The following PADI6 variants were observed in gnomAD, a reference collection of about 807,000 sequenced individuals.
PADI6 encodes the protein peptidyl arginine deiminase 6, also known as inactive protein-arginine deiminase type-6.
Under a neutral mutation model 78.2 loss-of-function variants are expected in PADI6, and 66 were observed. That is an observed-to-expected ratio of 0.84 (90% CI 0.69 to 1.04). The LOEUF is 1.04. Among genes scored for constraint, PADI6 ranks in the 50% least tolerant of loss-of-function variants. PADI6 has a pLI of 0.00. For missense variants in PADI6, 854 were observed against 866.1 expected, an observed-to-expected ratio of 0.99 and a Z score of 0.18; for synonymous variants, 397 against 346.9, an observed-to-expected ratio of 1.14 and a Z score of -1.60.
intron 13 of PADI6, among the ~76,000 whole-genome samples, chr1:17,396,552 T>C (rs2075249141): frequency 6.6e-6 from 1 of 152,122 alleles, no homozygotes; most frequent in Non-Finnish European, 1.5e-5. Context: ...GCCTTTGGGG[T>C]TGGGGCCCGG....
At chr1:17,392,339 A>AGGG in intron 9 of PADI6, 114 bp downstream of exon 9, 1 of 762,482 alleles carries the variant, frequency 1.3e-6, no homozygotes, top group East Asian at 2.7e-5. Flanking sequence ...AAGCCTTGAT[A>AGGG]GGGGCGGCCC....
At chr1:17,387,971 A>T (rs1005965233) in intron 6 of PADI6, among the ~76,000 whole-genome samples, 4 of 152,064 alleles carry the variant, frequency 2.6e-5, no homozygotes, top group African/African-American at 9.7e-5. Context: ...TCAGTAAGTG[A>T]TTTTTTTCAG....
At chr1:17,388,649 C>A in intron 7 of PADI6, 90 bp downstream of exon 7, 1 of 1,464,042 alleles carries the variant, frequency 6.8e-7, no homozygotes, top group South Asian at 1.3e-5. Context: ...TTGAGGTTTG[C>A]TGGGGGAGAG....
intron 8 of PADI6, 93 bp from the exon 9 acceptor site, chr1:17,392,021 A>G: frequency 9.5e-7 from 1 of 1,050,046 alleles, no homozygotes; most frequent in East Asian, 2.6e-5. Context: ...TCCTGGTGAG[A>G]AGGATGTGTT....
chr1:17,378,953 TTTG>T (rs1409623717), intron 3 of PADI6, among the ~76,000 whole-genome samples: 27 of 132,542 alleles, frequency 2.0e-4, no homozygotes, highest in African/African-American at 8.8e-4. Context: ...TTGAATTTTT[TTTG>T]GGGGGGGGGA....
rs756117442 is a variant in PADI6, at chr1:17,372,290, C to T, written c.45C>T (p.Ile15=). 7.4e-6 allele frequency: 12 copies of T among 1,613,858 alleles called. No individual in the cohort carries two copies. The South Asian group carries it at 1.3e-4, about 18-fold the overall frequency. Residue 15 remains isoleucine (I), a synonymous_variant, in exon 1 of 16, where the codon ATC becomes ATT. Transcript: ENST00000619609. ...EGRAMSFQSI[I]HLSLDSPVHA... is the part of the protein sequence containing the mutation. ...GAGCCATGTCCTTCCAGAGTATCAT[C>T]CACCTGTCCCTGGACAGCCCTGTCC...
At position 17,394,375 on chromosome 1, in the gene PADI6, A is replaced by G; in HGVS notation, c.1258A>G (p.Met420Val). Reference sequence around the variant, plus strand: ...CAGCATGGATTCCATTGGGAACCTGATGGTGTCCCCACCTGTCAAGGTCCA... The same window carrying G: ...CAGCATGGATTCCATTGGGAACCTGGTGGTGTCCCCACCTGTCAAGGTCCA... ...VASMDSIGNL[M>V]VSPPVKVQGK... The change falls in exon 11 of 16, where the codon ATG becomes GTG. Residue 420 changes from methionine to valine, a missense_variant. Met to Val is a conservative substitution (Grantham distance 21, BLOSUM62 1). Coordinates refer to ENST00000619609, the MANE Select transcript of PADI6 (RefSeq NM_207421.4). 1 of 1,613,754 alleles carries G rather than the reference A, an allele frequency of 6.2e-7. No individual in the cohort carries two copies. Among genetic ancestry groups the G allele is most frequent in the Non-Finnish European group, 8.5e-7 (1 of 1,179,814 alleles).
intron 2 of PADI6, among the ~76,000 whole-genome samples, chr1:17,374,150 G>C (rs2074992673): frequency 6.6e-6 from 1 of 152,094 alleles, no homozygotes; most frequent in Non-Finnish European, 1.5e-5. Flanking sequence ...CCCAGTGCGG[G>C]GCTGGGGGTG....
At chr1:17,389,877 C>T (rs999705893) in intron 8 of PADI6, among the ~76,000 whole-genome samples, 4 of 152,326 alleles carry the variant, frequency 2.6e-5, no homozygotes, top group South Asian at 2.1e-4. Flanking sequence ...CCACACCGGC[C>T]GCCTCCAGAT....
intron 10 of PADI6, 56 bp downstream of exon 10, chr1:17,394,138 C>T: frequency 6.3e-7 from 1 of 1,582,094 alleles, no homozygotes; most frequent in Non-Finnish European, 8.7e-7. Flanking sequence ...GGCCTGGGGC[C>T]TGCCTAGAAA....
At chr1:17,373,499 TATTA>T (rs1557594298) in intron 2 of PADI6, among the ~76,000 whole-genome samples, 392 of 108,510 alleles carry the variant, frequency 3.6e-3, no homozygotes, top group African/African-American at 0.012. Flanking sequence ...ATTTATTTAT[TATTA>T]TTTTTTTTTT....
intron 9 of PADI6, 59 bp from the exon 10 acceptor site, chr1:17,393,916 T>TA (rs1178028045): frequency 2.7e-6 from 4 of 1,500,536 alleles, no homozygotes; most frequent in Non-Finnish European, 3.7e-6. Context: ...ACCTTTTCCG[T>TA]AAATGGGGTC....
At chr1:17,383,824 T>C (rs1022796780) in intron 6 of PADI6, among the ~76,000 whole-genome samples, 1 of 150,842 alleles carries the variant, frequency 6.6e-6, no homozygotes. Context: ...TGAGTGAGAC[T>C]CAAAAAAATA....
At chr1:17,399,237 C>T (rs1188020517) in intron 15 of PADI6, among the ~76,000 whole-genome samples, 1 of 152,230 alleles carries the variant, frequency 6.6e-6, no homozygotes, top group Admixed American at 6.5e-5. Flanking sequence ...CAGGGTGGGT[C>T]TTCCTGTCCG....
At chr1:17,398,876 G>A (rs189795665) in intron 15 of PADI6, 29 bp downstream of exon 15, 3 of 1,608,732 alleles carry the variant, frequency 1.9e-6, no homozygotes, top group African/African-American at 2.7e-5. Context: ...TCCCTGGGTG[G>A]GGGAGGGCCT....
At chr1:17,381,853 A>AGG in intron 5 of PADI6, 114 bp from the exon 6 acceptor site, 1 of 1,260,838 alleles carries the variant, frequency 7.9e-7, no homozygotes, top group Non-Finnish European at 1.1e-6. Flanking sequence ...AGCAAAAGGC[A>AGG]GGGGGTCCTT....
chr1:17,380,017 A>T, intron 4 of PADI6, 30 bp downstream of exon 4: 5 of 1,610,024 alleles, frequency 3.1e-6, no homozygotes, highest in Non-Finnish European at 4.2e-6. Context: ...GGGGCAGGGA[A>T]GGGGCCCTAT....
rs2075232682 is a variant in PADI6, at chr1:17,395,097, A to C, written c.1484A>C (p.Glu495Ala). Residue 495 changes from glutamate (E) to alanine (A), a missense_variant, in exon 12 of 16, where the codon GAG becomes GCG. Coordinates refer to ENST00000619609, the MANE Select transcript of PADI6 (RefSeq NM_207421.4). ...MCFIPTDDKN[E>A]GKKGFLLLLA... ...TTCATCCCCACAGATGACAAGAATGAGGGCAAAAAGGTCTGCTTTGGGGTC... is the reference window on the plus strand; with the variant it reads ...TTCATCCCCACAGATGACAAGAATGCGGGCAAAAAGGTCTGCTTTGGGGTC... 5 of 1,613,638 alleles carry C rather than the reference A, an allele frequency of 3.1e-6. No individual in the cohort carries two copies. Among genetic ancestry groups the C allele is most frequent in the Non-Finnish European group, 4.2e-6 (5 of 1,179,700 alleles).
At chr1:17,398,334 C>T (rs2075266668) in intron 14 of PADI6, among the ~76,000 whole-genome samples, 1 of 152,106 alleles carries the variant, frequency 6.6e-6, no homozygotes, top group Non-Finnish European at 1.5e-5. Context: ...ATTTCAAGAC[C>T]TAGGGAGACA....
Sources: allele counts gnomAD v4.1 joint callset (sites outside exome capture counted in the v4.1 genomes callset), GRCh38; gene constraint gnomAD v4.1.1; transcripts MANE v1.5; gene names NCBI Gene and HGNC (gene_info 2026-07-23, HGNC 2026-07-21).